CSMD1: variants seen among roughly 807,000 people sequenced by gnomAD.
The protein encoded by CSMD1 is CUB and sushi domain-containing protein 1.
CSMD1 carries 213 observed loss-of-function variants against 417.5 expected under a neutral mutation model. The ratio of observed to expected loss-of-function variants is 0.51; its 90% CI spans 0.46 to 0.57. The LOEUF (loss-of-function observed/expected upper bound fraction) is 0.57. Ranked by LOEUF, CSMD1 falls within the 20% of genes least tolerant of loss-of-function variation. The probability of loss-of-function intolerance (pLI) is 0.00; values close to 1 mark genes in which losing one functional copy is unlikely to be tolerated. For synonymous variants in CSMD1, 2,862 were observed against 1,736.8 expected (o/e 1.65, Z -16.11); for missense variants, 6,923 against 4,529.7 (o/e 1.53, Z -15.17).
chr8:4,764,904 C>A lies in CSMD1; in HGVS notation c.86-127346G>T, dbSNP rs867121944. Among the ~76,000 whole-genome samples the A allele has an allele frequency of 7.8e-4, 96 of 122,496 alleles. 1 individual carries two copies. The highest frequency in any genetic ancestry group is 8.9e-3 in the Middle Eastern group (2 of 224). The allele number at this position is 122,496 out of a possible 152,430, so 80.4% of individuals were successfully genotyped here. A position where few individuals can be genotyped will look rare whatever the true frequency, so the allele number is the denominator to read the frequency against. The stretch of plus-strand genomic sequence containing the variant: ...AAAAAAAAAAAAAAAACAACAACAA[C>A]AAAAAAAAACCTTTGCTGAGGATGG... On this transcript the variant is annotated intron_variant, in intron 1 of 69. Transcript: ENST00000635120.
intron 3 of CSMD1, among the ~76,000 whole-genome samples, chr8:4,109,716 A>G (rs746148679): frequency 2.6e-5 from 4 of 152,180 alleles, no homozygotes; most frequent in Non-Finnish European, 5.9e-5. Context: ...GCTATGAAAA[A>G]TCTTAAAACA....
chr8:4,118,568 G>T (rs140119765), intron 3 of CSMD1, among the ~76,000 whole-genome samples: 1 of 152,144 alleles, frequency 6.6e-6, no homozygotes, highest in Non-Finnish European at 1.5e-5. Flanking sequence ...TAAAAATGGC[G>T]ATCATGAAAA....
chr8:3,007,960 A>G (rs982605898), intron 52 of CSMD1, among the ~76,000 whole-genome samples: 2 of 152,146 alleles, frequency 1.3e-5, no homozygotes, highest in Non-Finnish European at 2.9e-5. Context: ...AAGCTTTGTT[A>G]CTGTTTGTAA....
chr8:3,586,080 A>C, intron 9 of CSMD1, 56 bp downstream of exon 9: 1 of 1,563,748 alleles, frequency 6.4e-7, no homozygotes, highest in Non-Finnish European at 8.7e-7. Context: ...TATTCATAAA[A>C]ATGCCAACCT....
rs570590134 is a variant in CSMD1, at chr8:4,370,736, C to A, written c.415+49217G>T. On this transcript the variant is annotated intron_variant, in intron 3 of 69. Transcript: ENST00000635120. ...CGGTCTGTTATACAGTTAATGTCAC[C>A]AGTTGTGTTTCGAAATTCCTGTGGC... Among the ~76,000 whole-genome samples the A allele has an allele frequency of 1.9e-3, 286 of 152,202 alleles. 2 individuals are homozygous for A. The highest frequency in any genetic ancestry group is 6.6e-3 in the African/African-American group (273 of 41,528).
intron 1 of CSMD1, among the ~76,000 whole-genome samples, chr8:4,795,754 C>T (rs1342204707): frequency 6.6e-6 from 1 of 152,082 alleles, no homozygotes; most frequent in Admixed American, 6.6e-5. Flanking sequence ...TGTCAGTTAC[C>T]TCCGTACCTG....
At chr8:3,815,299 G>T (rs2129079407) in intron 5 of CSMD1, among the ~76,000 whole-genome samples, 1 of 152,238 alleles carries the variant, frequency 6.6e-6, no homozygotes, top group African/African-American at 2.4e-5. Flanking sequence ...ATAACCAATG[G>T]TGTTGAGTAT....
chr8:4,310,927 A>C (rs367928987), intron 3 of CSMD1, among the ~76,000 whole-genome samples: 11 of 152,360 alleles, frequency 7.2e-5, no homozygotes, highest in African/African-American at 2.6e-4. Context: ...ATCATTAGAG[A>C]AATGCAAATC....
chr8:4,056,694 C>T (rs1409237528), intron 3 of CSMD1, among the ~76,000 whole-genome samples: 2 of 151,952 alleles, frequency 1.3e-5, no homozygotes, highest in Non-Finnish European at 2.9e-5. Context: ...ACTCCCCCCA[C>T]CCCACAACAG....
At chr8:4,140,208 C>G (rs1003679725) in intron 3 of CSMD1, among the ~76,000 whole-genome samples, 9 of 148,540 alleles carry the variant, frequency 6.1e-5, no homozygotes, top group African/African-American at 2.3e-4. Context: ...AACAAATAAA[C>G]AAAAATTCAT....
intron 1 of CSMD1, among the ~76,000 whole-genome samples, chr8:4,949,740 AATTTT>A (rs1463438314): frequency 6.6e-6 from 1 of 152,206 alleles, no homozygotes; most frequent in African/African-American, 2.4e-5. Context: ...AAAATGTATT[AATTTT>A]ATCTTTTCAA....
intron 3 of CSMD1, among the ~76,000 whole-genome samples, chr8:4,384,266 C>A (rs186508156): frequency 6.1e-4 from 93 of 151,952 alleles, no homozygotes; most frequent in African/African-American, 2.2e-3. Flanking sequence ...TTTGCCATTG[C>A]CAACATGGTA....
chr8:3,039,385 T>TCTC (rs1810925369), intron 50 of CSMD1, among the ~76,000 whole-genome samples: 1 of 144,346 alleles, frequency 6.9e-6, no homozygotes, highest in African/African-American at 2.8e-5. Context: ...TCTTCCTTCC[T>TCTC]TCCTTCCCCC....
chr8:3,912,417 G>A (rs1240638285), intron 5 of CSMD1, among the ~76,000 whole-genome samples: 1 of 152,132 alleles, frequency 6.6e-6, no homozygotes, highest in Non-Finnish European at 1.5e-5. Flanking sequence ...AAATAGGGTG[G>A]GACGATTTCT....
chr8:3,602,547 C>A (rs1213338068), intron 8 of CSMD1, among the ~76,000 whole-genome samples: 1 of 152,054 alleles, frequency 6.6e-6, no homozygotes, highest in Non-Finnish European at 1.5e-5. Context: ...CTTCTTTTAG[C>A]CTCAAAGGTT....
At chr8:4,887,521 G>C (rs1028515891) in intron 1 of CSMD1, among the ~76,000 whole-genome samples, 1 of 151,772 alleles carries the variant, frequency 6.6e-6, no homozygotes, top group African/African-American at 2.4e-5. Flanking sequence ...CTAGTTCCTT[G>C]TTATTTTTTA....
chr8:4,405,466 T>G lies in CSMD1; in HGVS notation c.415+14487A>C, dbSNP rs771198399. Reference sequence around the variant, plus strand: ...GAAGATTTTAACGCCCATCTATAGTTGTGTTTGAAAGAGTGAAGTGAAGTC... The same window carrying G: ...GAAGATTTTAACGCCCATCTATAGTGGTGTTTGAAAGAGTGAAGTGAAGTC... On this transcript the variant is annotated intron_variant, in intron 3 of 69. Coordinates refer to ENST00000635120, the MANE Select transcript of CSMD1 (RefSeq NM_033225.6). Among the ~76,000 whole-genome samples, 32 of 152,116 alleles carry G rather than the reference T, an allele frequency of 2.1e-4. 1 individual carries two copies. The highest frequency in any genetic ancestry group is 2.6e-4 in the Admixed American group (4 of 15,276).
At chr8:4,517,674 T>C (rs1803199601) in intron 2 of CSMD1, among the ~76,000 whole-genome samples, 1 of 152,226 alleles carries the variant, frequency 6.6e-6, no homozygotes, top group Non-Finnish European at 1.5e-5. Flanking sequence ...GGTATGAATA[T>C]ATGTTAATAA....
intron 3 of CSMD1, among the ~76,000 whole-genome samples, chr8:4,371,514 C>A (rs532972901): frequency 9.4e-4 from 143 of 152,228 alleles, no homozygotes; most frequent in African/African-American, 3.4e-3. Flanking sequence ...ATGGGATATT[C>A]CCTTATGCAA....
Sources: allele counts gnomAD v4.1 joint callset (sites outside exome capture counted in the v4.1 genomes callset), GRCh38; gene constraint gnomAD v4.1.1; transcripts MANE v1.5; gene names NCBI Gene and HGNC (gene_info 2026-07-23, HGNC 2026-07-21).